Variants in SCHIP1 observed in about 807,000 individuals in gnomAD.
SCHIP1 encodes schwannomin interacting protein 1.
In SCHIP1, 8 loss-of-function variants were observed where a neutral mutation model predicts 29.7. The ratio of observed to expected loss-of-function variants is 0.27; its 90% CI spans 0.16 to 0.49. The LOEUF (loss-of-function observed/expected upper bound fraction) is 0.49. Ranked by LOEUF, SCHIP1 falls within the 20% of genes least tolerant of loss-of-function variation. SCHIP1 has a pLI of 0.99. For synonymous variants in SCHIP1, 76 were observed against 94.9 expected (o/e 0.80, Z 1.16); for missense variants, 193 against 294.6 (o/e 0.66, Z 2.52).
At chr3:159,887,673 A>G (rs764447851) in intron 3 of SCHIP1, 35 bp from the exon 5 acceptor site, 1 of 1,612,086 alleles carries the variant, frequency 6.2e-7, no homozygotes, top group African/African-American at 1.3e-5. Flanking sequence ...GCTGGCATGC[A>G]TGGAAGGCTC....
At chr3:159,495,038 CT>C in the SCHIP1 span, among the ~76,000 whole-genome samples, 1 of 152,174 alleles carries the variant, frequency 6.6e-6, no homozygotes, top group Admixed American at 6.5e-5. Flanking sequence ...CAGAAAAGGC[CT>C]TTGACAAAAT....
the SCHIP1 span, among the ~76,000 whole-genome samples, chr3:159,624,164 T>G: frequency 0.036 from 5,493 of 152,328 alleles, 133 homozygotes; most frequent in Middle Eastern, 0.058. Flanking sequence ...CACAATTAGA[T>G]ATGCATTATC....
the SCHIP1 span, among the ~76,000 whole-genome samples, chr3:159,375,489 C>A: frequency 4.6e-5 from 7 of 152,336 alleles, no homozygotes; most frequent in African/African-American, 1.7e-4. Context: ...GTAATCACAG[C>A]ACTTTGGGAG....
chr3:159,630,285 T>C, the SCHIP1 span, among the ~76,000 whole-genome samples: 18 of 152,274 alleles, frequency 1.2e-4, no homozygotes, highest in East Asian at 3.5e-3. Context: ...TTCCACACTG[T>C]ATGACCTCAT....
chr3:159,894,990 G>A (rs2109540175), intron 6 of SCHIP1, among the ~76,000 whole-genome samples: 1 of 152,296 alleles, frequency 6.6e-6, no homozygotes, highest in Non-Finnish European at 1.5e-5. Context: ...GTGTGCATGA[G>A]CATGTACATA....
chr3:159,737,877 G>A, the SCHIP1 span, among the ~76,000 whole-genome samples: 26 of 152,182 alleles, frequency 1.7e-4, no homozygotes, highest in Non-Finnish European at 3.4e-4. Context: ...CACTGCACGG[G>A]TGCGGGAGTG....
At chr3:159,394,975 T>A in the SCHIP1 span, among the ~76,000 whole-genome samples, 1 of 152,254 alleles carries the variant, frequency 6.6e-6, no homozygotes, top group Middle Eastern at 3.2e-3. Flanking sequence ...AGCTATTGAT[T>A]ATTTTCACAA....
the SCHIP1 span, among the ~76,000 whole-genome samples, chr3:159,578,160 A>G: frequency 6.6e-6 from 1 of 152,174 alleles, no homozygotes; most frequent in African/African-American, 2.4e-5. Flanking sequence ...ACAAGGTCAT[A>G]AAAGACTCAG....
chr3:159,445,915 T>C, the SCHIP1 span, among the ~76,000 whole-genome samples: 2 of 149,790 alleles, frequency 1.3e-5, no homozygotes, highest in East Asian at 2.0e-4. Context: ...TTAGGAGATA[T>C]ACCTAATGCT....
At chr3:159,530,385 G>A in the SCHIP1 span, among the ~76,000 whole-genome samples, 2 of 152,124 alleles carry the variant, frequency 1.3e-5, no homozygotes, top group Non-Finnish European at 2.9e-5. Flanking sequence ...AAGAGCTCTT[G>A]CTTGCTTGAC....
At chr3:159,327,142 C>T in the SCHIP1 span, among the ~76,000 whole-genome samples, 10 of 152,150 alleles carry the variant, frequency 6.6e-5, no homozygotes, top group African/African-American at 9.7e-5. Context: ...AACTGCTAGA[C>T]TGTTGGTTTA....
the SCHIP1 span, among the ~76,000 whole-genome samples, chr3:159,687,047 T>G: frequency 6.6e-6 from 1 of 152,186 alleles, no homozygotes; most frequent in Non-Finnish European, 1.5e-5. Context: ...TAAGACTTCT[T>G]TATGTCCTCT....
At chr3:159,426,975 A>C in the SCHIP1 span, among the ~76,000 whole-genome samples, 1 of 152,230 alleles carries the variant, frequency 6.6e-6, no homozygotes, top group African/African-American at 2.4e-5. Flanking sequence ...CCTTTGACAA[A>C]ATTCAACAAT....
chr3:159,672,950 G>A, the SCHIP1 span, among the ~76,000 whole-genome samples: 1 of 152,214 alleles, frequency 6.6e-6, no homozygotes, highest in East Asian at 1.9e-4. Context: ...AATACAACAT[G>A]CCCCTCCCTA....
chr3:159,847,288 C>T (rs1711973129), intron 1 of SCHIP1, among the ~76,000 whole-genome samples: 1 of 152,136 alleles, frequency 6.6e-6, no homozygotes, highest in South Asian at 2.1e-4. Flanking sequence ...GAACTAATCA[C>T]AGTTTTACAT....
the SCHIP1 span, among the ~76,000 whole-genome samples, chr3:159,715,267 G>A: frequency 6.6e-6 from 1 of 152,176 alleles, no homozygotes; most frequent in South Asian, 2.1e-4. Flanking sequence ...AAAGACCAAA[G>A]GTAGATAAAA....
chr3:159,561,930 TTAGAG>T, the SCHIP1 span, among the ~76,000 whole-genome samples: 1 of 152,328 alleles, frequency 6.6e-6, no homozygotes, highest in Non-Finnish European at 1.5e-5. Flanking sequence ...AATTGTTTCC[TTAGAG>T]TAAACTTGAG....
the SCHIP1 span, among the ~76,000 whole-genome samples, chr3:159,400,869 C>G: frequency 6.6e-6 from 1 of 152,174 alleles, no homozygotes; most frequent in Non-Finnish European, 1.5e-5. Context: ...ATAGCAGGCT[C>G]TAGACTTCCA....
chr3:159,733,711 C>T, the SCHIP1 span, among the ~76,000 whole-genome samples: 2 of 152,128 alleles, frequency 1.3e-5, no homozygotes, highest in Non-Finnish European at 2.9e-5. Flanking sequence ...AGTGCTCTAT[C>T]CACTTGTTAG....
Sources: allele counts gnomAD v4.1 joint callset (sites outside exome capture counted in the v4.1 genomes callset), GRCh38; gene constraint gnomAD v4.1.1; transcripts MANE v1.5; gene names NCBI Gene and HGNC (gene_info 2026-07-23, HGNC 2026-07-21).